DNAH17: variants seen among roughly 807,000 people sequenced by gnomAD.
DNAH17 encodes dynein axonemal heavy chain 17.
Under a neutral mutation model 485.6 loss-of-function variants are expected in DNAH17, and 376 were observed. That is an observed-to-expected ratio of 0.77 (90% CI 0.71 to 0.84). The LOEUF (loss-of-function observed/expected upper bound fraction) is 0.84. DNAH17 is among the 40% of genes least tolerant of loss of function. The pLI, the probability that DNAH17 is intolerant of heterozygous loss-of-function variation, is 0.00. For synonymous variants in DNAH17, 3,031 were observed against 2,405.9 expected (o/e 1.26, Z -7.60); for missense variants, 6,370 against 5,839.3 (o/e 1.09, Z -2.96).
At chr17:78,451,289 G>C (rs983723392) in intron 66 of DNAH17, among the ~76,000 whole-genome samples, 180 bp downstream of exon 66, 3 of 152,238 alleles carry the variant, frequency 2.0e-5, no homozygotes, top group African/African-American at 4.8e-5. Flanking sequence ...AGCTGGGGAA[G>C]GAAATGAGCC....
In DNAH17 at chr17:78,461,648, T is replaced by G. The variant is rs999863897; in HGVS notation, c.9235A>C (p.Ser3079Arg). Reference sequence around the variant, plus strand: ...ACCACCTGGATCAGTTGGTCTGCGCTCTCATTCTTCTGCTTGAGCTCAGCC... The same window carrying G: ...ACCACCTGGATCAGTTGGTCTGCGCGCTCATTCTTCTGCTTGAGCTCAGCC... ...QEAELKQKNE[S>R]ADQLIQVVGI... Residue 3079 changes from serine (S) to arginine (R), a missense_variant, in exon 58 of 81, where the codon AGC becomes CGC. By Grantham distance (110) the Ser-to-Arg change is moderately radical. Transcript: ENST00000389840. The G allele has an allele frequency of 1.9e-6, 3 of 1,612,162 alleles. No individual in the cohort carries two copies. The highest frequency in any genetic ancestry group is 2.5e-6 in the Non-Finnish European group (3 of 1,179,358).
At chr17:78,492,591 C>G (rs1204180050) in intron 42 of DNAH17, 42 bp downstream of exon 42, 1 of 1,608,808 alleles carries the variant, frequency 6.2e-7, no homozygotes. Flanking sequence ...TGCACTGGAC[C>G]AGGAGTGCCC....
At chr17:78,459,579 G>A (rs538164892) in intron 60 of DNAH17, among the ~76,000 whole-genome samples, 3 of 152,300 alleles carry the variant, frequency 2.0e-5, no homozygotes, top group Admixed American at 1.3e-4. Context: ...GGGCCTGGCT[G>A]GCCTCTCTCT....
chr17:78,492,276 G>A (rs896866601), intron 42 of DNAH17, among the ~76,000 whole-genome samples: 6 of 152,040 alleles, frequency 3.9e-5, no homozygotes, highest in East Asian at 1.9e-4. Context: ...AGAGCCCACC[G>A]ACTGAGGCCA....
In DNAH17 at chr17:78,445,818, T is replaced by C. The variant is rs77120958; in HGVS notation, c.11212-138A>G. ...CCTGTCCTGCCCCTTTGGTTTGGGGTAAAGTTTTGTCTTCACCTCGTCTCG... is the reference window on the plus strand; with the variant it reads ...CCTGTCCTGCCCCTTTGGTTTGGGGCAAAGTTTTGTCTTCACCTCGTCTCG... On this transcript the variant is annotated intron_variant, in intron 69 of 80. Transcript: ENST00000389840. The C allele has an allele frequency of 1.3e-3, 1,209 of 909,254 alleles. 9 individuals carry two copies. The African/African-American group carries it at 0.019, about 14-fold the overall frequency. The allele number at this position is 909,254 out of a possible 1,614,324, so 56.3% of individuals were successfully genotyped here.
chr17:78,513,482 C>G (rs1242395188), intron 26 of DNAH17, among the ~76,000 whole-genome samples: 1 of 152,210 alleles, frequency 6.6e-6, no homozygotes, highest in East Asian at 1.9e-4. Context: ...GTCACCCAGG[C>G]TAGAGTACAG....
chr17:78,515,529 A>C (rs2090758195), intron 25 of DNAH17, among the ~76,000 whole-genome samples: 2 of 152,208 alleles, frequency 1.3e-5, no homozygotes, highest in Admixed American at 1.3e-4. Context: ...AATAAAAATA[A>C]AAGTTAGCAG....
chr17:78,446,664 GAC>G (rs2087318207), intron 69 of DNAH17, among the ~76,000 whole-genome samples: 1 of 151,662 alleles, frequency 6.6e-6, no homozygotes, highest in African/African-American at 2.4e-5. Context: ...ATTTTTTTGA[GAC>G]AGAGTCTCAC....
At chr17:78,511,304 C>T (rs969258873) in intron 26 of DNAH17, among the ~76,000 whole-genome samples, 5 of 152,182 alleles carry the variant, frequency 3.3e-5, no homozygotes, top group African/African-American at 1.2e-4. Context: ...GACGGGGTTT[C>T]ACCAAGTCAG....
chr17:78,495,142 C>T, intron 38 of DNAH17, 45 bp from the exon 39 acceptor site: 1 of 1,536,600 alleles, frequency 6.5e-7, no homozygotes, highest in Non-Finnish European at 8.8e-7. Flanking sequence ...CACTCCCTCC[C>T]CAACCTACAC....
chr17:78,494,584 A>G lies in DNAH17; in HGVS notation c.6270+9T>C. The G allele has an allele frequency of 1.9e-6, 3 of 1,613,150 alleles. No individual in the cohort carries two copies. Among genetic ancestry groups the G allele is most frequent in the Middle Eastern group, 1.7e-4 (1 of 6,060 alleles). ...TCTCCGGACAGACCTGAGACCCAGG[A>G]GTCCCGACCTTTTCAAAATTCAGGT... On this transcript the variant is annotated intron_variant, in intron 40 of 80. Transcript: ENST00000389840.
rs754464013 is a variant in DNAH17, at chr17:78,569,396, C to CA, written c.1175dup (p.Asn393GlufsTer7). The stretch of plus-strand genomic sequence containing the variant: ...GTACCTTAAAGAAAAGCTTCATGTT[C>CA]ACGCAGCAGAAGTCGTACGTCTGGT... On this transcript the variant is annotated frameshift_variant, in exon 8 of 81. Transcript: ENST00000389840. LOFTEE classifies it high-confidence loss of function. The CA allele has an allele frequency of 6.2e-7, 1 of 1,613,116 alleles. No homozygotes were observed. Among genetic ancestry groups the CA allele is most frequent in the Admixed American group, 1.7e-5 (1 of 59,882 alleles).
At chr17:78,461,730 A>AACAGCAAGTGTGGGCC in intron 57 of DNAH17, 22 bp from the exon 58 acceptor site, 1 of 1,602,376 alleles carries the variant, frequency 6.2e-7, no homozygotes, top group Non-Finnish European at 8.5e-7. Context: ...GAAACCGAGA[A>AACAGCAAGTGTGGGCC]ACAGCAAGTG....
intron 77 of DNAH17, 160 bp downstream of exon 77, chr17:78,428,365 G>A (rs1375751897): frequency 2.1e-5 from 18 of 852,140 alleles, no homozygotes; most frequent in Non-Finnish European, 3.4e-5. Context: ...TGACCAGCCT[G>A]CGGGCCATAC....
chr17:78,545,175 A>T (rs555217721), intron 16 of DNAH17, among the ~76,000 whole-genome samples: 9 of 152,214 alleles, frequency 5.9e-5, no homozygotes, highest in African/African-American at 1.9e-4. Flanking sequence ...CCAGTGTTTG[A>T]TATTTACGTG....
Position 78,501,246 on chromosome 17 carries a change from G to T in DNAH17, c.5421C>A (p.Ile1807=). 1.2e-6 allele frequency: 2 copies of T among 1,608,774 alleles called. No homozygotes were observed. The highest frequency in any genetic ancestry group is 1.7e-6 in the Non-Finnish European group (2 of 1,175,664). Residue 1807 remains isoleucine, a synonymous_variant, in exon 35 of 81, where the codon ATC becomes ATA. Transcript: ENST00000389840. ...HCFANICDAQ[I]QYSYEYLGNT... Reference sequence around the variant, plus strand: ...TGCCCAGATACTCATAGGAATACTGGATTTGGGCATCGCAGATGTTGGCAA... The same window carrying T: ...TGCCCAGATACTCATAGGAATACTGTATTTGGGCATCGCAGATGTTGGCAA...
Position 78,507,556 on chromosome 17 carries a change from A to C in DNAH17, c.4486T>G (p.Trp1496Gly). The change falls in exon 28 of 81, where the codon TGG becomes GGG. Residue 1496 changes from tryptophan (W) to glycine (G), a missense_variant. Transcript: ENST00000389840. Reference sequence around the variant, plus strand: ...ATGAAGATGCTCTCCAGGTGGCTCCAGGTTCGCTGGACCTCAAACCAGATG... The same window carrying C: ...ATGAAGATGCTCTCCAGGTGGCTCCCGGTTCGCTGGACCTCAAACCAGATG... ...ISIWFEVQRT[W>G]SHLESIFIGS... 2 of 1,614,066 alleles carry C rather than the reference A, an allele frequency of 1.2e-6. No individual in the cohort carries two copies. The highest frequency in any genetic ancestry group is 1.7e-6 in the Non-Finnish European group (2 of 1,179,898).
intron 14 of DNAH17, among the ~76,000 whole-genome samples, chr17:78,556,570 G>T (rs1455763791): frequency 1.3e-5 from 2 of 152,162 alleles, no homozygotes; most frequent in Admixed American, 1.3e-4. Flanking sequence ...GGTCAAAGTT[G>T]TATGGTACAA....
At position 78,505,483 on chromosome 17, in the gene DNAH17, G is replaced by T. The variant is rs368907617; in HGVS notation, c.4804-38C>A. ...AAGAAGCGGGAATTATGCAACGGGG[G>T]ATTTGAAAGGCATGTGCGTGGCTTG... On this transcript the variant is annotated intron_variant, in intron 30 of 80. Transcript: ENST00000389840. The T allele has an allele frequency of 2.5e-6, 4 of 1,613,300 alleles. No individual in the cohort carries two copies. In the South Asian group the frequency reaches 3.3e-5, roughly 13 times the overall value.
Sources: gnomAD v4.1 joint callset for allele counts (sites outside exome capture counted in the v4.1 genomes callset) on GRCh38, gnomAD v4.1.1 for gene constraint, MANE v1.5 for transcripts, NCBI Gene and HGNC (gene_info 2026-07-23, HGNC 2026-07-21) for gene names.